The following PTGS1 variants were observed in gnomAD, a reference collection of about 807,000 sequenced individuals.
PTGS1 encodes prostaglandin G/H synthase 1.
In PTGS1, 40 loss-of-function variants were observed where a neutral mutation model predicts 63.0. The observed-to-expected ratio is 0.63, with a 90% CI of 0.49 to 0.83. PTGS1 has a LOEUF of 0.83. Among genes scored for constraint, PTGS1 ranks in the 40% least tolerant of loss-of-function variants. PTGS1 has a pLI of 0.00. For missense variants in PTGS1, 709 were observed against 786.5 expected (o/e 0.90, Z 1.18); for synonymous variants, 298 against 301.9 (o/e 0.99, Z 0.13).
chr9:122,371,644 A>G (rs1011226571), intron 2 of PTGS1: 8 of 1,434,410 alleles, frequency 5.6e-6, no homozygotes, highest in African/African-American at 2.9e-5. Flanking sequence ...GCAGGCACCA[A>G]GGGAAATGAG....
chr9:122,380,464 C>CAAAA lies in PTGS1; in HGVS notation c.497-905_497-902dup, dbSNP rs1212366547. 9.9e-4 allele frequency among the ~76,000 whole-genome samples: 135 copies of CAAAA among 136,034 alleles called. 2 individuals carry two copies. Among genetic ancestry groups the CAAAA allele is most frequent in the African/African-American group, 3.8e-3 (130 of 34,260 alleles). 89.2% of individuals were successfully genotyped at this position (136,034 alleles called of 152,430 possible). Reference sequence around the variant, plus strand: ...TGGGCAATAGAGTGAGACCCTGTCTCAAAAATAAATAAATAAATAAATAAA... The same window carrying CAAAA: ...TGGGCAATAGAGTGAGACCCTGTCTCAAAAAAAAATAAATAAATAAATAAATAAA... On this transcript the variant is annotated intron_variant, in intron 5 of 10. Coordinates refer to ENST00000362012, the MANE Select transcript of PTGS1 (RefSeq NM_000962.4).
intron 7 of PTGS1, 97 bp downstream of exon 7, chr9:122,381,844 AG>A: frequency 7.8e-7 from 1 of 1,284,356 alleles, no homozygotes; most frequent in Non-Finnish European, 1.1e-6. Flanking sequence ...ATGTCCTGAG[AG>A]GGCCAACCAC....
intron 9 of PTGS1, among the ~76,000 whole-genome samples, chr9:122,387,849 G>T (rs1837969652): frequency 1.3e-5 from 2 of 152,200 alleles, no homozygotes; most frequent in Non-Finnish European, 2.9e-5. Context: ...CTTCATCGCA[G>T]TCTCTGGCTC....
In PTGS1 at chr9:122,393,682, A is replaced by G. The variant is rs200283216; in HGVS notation, c.*1138A>G. ...AATTCTCATTTGTTCTCACACCAAC[A>G]GTGTGAAGTGCGTGGTATAATCTCC... is the stretch of plus-strand genomic sequence containing the variant. On this transcript the variant is annotated 3_prime_UTR_variant, in exon 11 of 11. Transcript: ENST00000362012. The G allele has an allele frequency of 3.9e-5, 6 of 152,394 alleles. No homozygotes were observed. Among genetic ancestry groups the G allele is most frequent in the Non-Finnish European group, 8.8e-5 (6 of 68,066 alleles). The allele number at this position is 152,394 out of a possible 1,614,324, so 9.4% of individuals were successfully genotyped here. A position where few individuals can be genotyped will look rare whatever the true frequency, so the allele number is the denominator to read the frequency against.
intron 8 of PTGS1, among the ~76,000 whole-genome samples, chr9:122,384,648 A>G (rs1837762985): frequency 6.6e-6 from 1 of 152,140 alleles, no homozygotes; most frequent in South Asian, 2.1e-4. Flanking sequence ...ATCAAGATTC[A>G]GAGAGGTGAA....
chr9:122,390,295 A>C lies in PTGS1; in HGVS notation c.1394A>C (p.Tyr465Ser). 1 of 1,614,138 alleles carries C rather than the reference A, an allele frequency of 6.2e-7. No homozygotes were observed. The highest frequency in any genetic ancestry group is 8.5e-7 in the Non-Finnish European group (1 of 1,180,026). ...ATGCGGCTGCAGCCCTTCAATGAGT[A>C]CCGCAAGAGGTTTGGCATGAAACCC... Reference protein sequence around the residue: ...REMRLQPFNEYRKRFGMKPYT... With the variant: ...REMRLQPFNESRKRFGMKPYT... The change falls in exon 10 of 11, where the codon TAC (tyrosine) becomes TCC (serine). Residue 465 changes from tyrosine to serine, a missense_variant. By Grantham distance (144) the Tyr-to-Ser change is moderately radical. Coordinates refer to ENST00000362012, the MANE Select transcript of PTGS1 (RefSeq NM_000962.4).
chr9:122,391,339 T>C (rs1278750364), intron 10 of PTGS1, among the ~76,000 whole-genome samples: 2 of 122,352 alleles, frequency 1.6e-5, no homozygotes, highest in Non-Finnish European at 3.1e-5. Context: ...TGTGTGTGTA[T>C]ATATATACTA....
At chr9:122,385,985 C>G (rs1837848509) in intron 8 of PTGS1, among the ~76,000 whole-genome samples, 1 of 152,046 alleles carries the variant, frequency 6.6e-6, no homozygotes, top group Non-Finnish European at 1.5e-5. Context: ...ATGGAAGAGG[C>G]CAAACAAAAT....
intron 1 of PTGS1, 30 bp downstream of exon 1, chr9:122,371,121 A>G (rs199515185): frequency 8.1e-6 from 13 of 1,605,320 alleles, no homozygotes; most frequent in Non-Finnish European, 1.0e-5. Context: ...CCGGTGGGGA[A>G]TTTTCTTGGC....
In PTGS1 at chr9:122,375,368, C is replaced by T. The variant is rs796232234; in HGVS notation, c.95-2531C>T. ...CCGAGGCAGAGCTCTAGGGCCATGG[C>T]GGGAGGCCTTCCGGCTCCACCTCAG... On this transcript the variant is annotated intron_variant, in intron 2 of 10. Coordinates refer to ENST00000362012, the MANE Select transcript of PTGS1 (RefSeq NM_000962.4). 2.0e-5 allele frequency: 20 copies of T among 985,342 alleles called. No homozygotes were observed. In the African/African-American group the frequency reaches 3.1e-4, roughly 16 times the overall value. 61.0% of individuals were successfully genotyped at this position (985,342 alleles called of 1,614,324 possible).
chr9:122,383,108 A>C (rs1837623480), intron 7 of PTGS1, among the ~76,000 whole-genome samples: 1 of 151,572 alleles, frequency 6.6e-6, no homozygotes, highest in South Asian at 2.1e-4. Flanking sequence ...GTGTTAAGGA[A>C]TTCTACTTTC....
At position 122,375,369 on chromosome 9, in the gene PTGS1, G is replaced by A. The variant is rs79440518; in HGVS notation, c.95-2530G>A. On this transcript the variant is annotated intron_variant, in intron 2 of 10. Transcript: ENST00000362012. ...CGAGGCAGAGCTCTAGGGCCATGGC[G>A]GGAGGCCTTCCGGCTCCACCTCAGA... The A allele has an allele frequency of 2.5e-3, 2,502 of 985,524 alleles. 37 individuals carry two copies. In the African/African-American group the frequency reaches 0.03, roughly 12 times the overall value. The allele number at this position is 985,524 out of a possible 1,614,324, so 61.0% of individuals were successfully genotyped here.
In PTGS1 at chr9:122,381,334, T is replaced by G. The variant is rs760355810; in HGVS notation, c.497-37T>G. 2.5e-6 allele frequency: 4 copies of G among 1,601,842 alleles called. No homozygotes were observed. The Admixed American group carries it at 6.8e-5, about 27-fold the overall frequency. ...TGTCCCCAGGGCAGCAAGATCCAGA[T>G]AGGAGAAGCTACTGCTGTTTCCTAC... On this transcript the variant is annotated intron_variant, in intron 5 of 10. Coordinates refer to ENST00000362012, the MANE Select transcript of PTGS1 (RefSeq NM_000962.4).
rs984267788 is a variant in PTGS1, at chr9:122,394,740, G to A, written c.*2196G>A. On this transcript the variant is annotated 3_prime_UTR_variant, in exon 11 of 11. Transcript: ENST00000362012. ...CGTGGAGACTGAGATCACTGACTCT[G>A]ACTCATCCCCACAGCTGGCTCTGAC... The A allele has an allele frequency of 6.6e-6, 1 of 152,130 alleles. No homozygotes were observed. The highest frequency in any genetic ancestry group is 2.4e-5 in the African/African-American group (1 of 41,388). The allele number at this position is 152,130 out of a possible 1,614,324, so 9.4% of individuals were successfully genotyped here. A position where few individuals can be genotyped will look rare whatever the true frequency, so the allele number is the denominator to read the frequency against.
At chr9:122,380,482 T>TA (rs1837445306) in intron 5 of PTGS1, among the ~76,000 whole-genome samples, 1 of 144,812 alleles carries the variant, frequency 6.9e-6, no homozygotes, top group African/African-American at 2.6e-5. Flanking sequence ...AATAAATAAA[T>TA]AAATAAATAA....
At chr9:122,381,884 C>G in intron 7 of PTGS1, 137 bp downstream of exon 7, 1 of 885,752 alleles carries the variant, frequency 1.1e-6, no homozygotes, top group Non-Finnish European at 1.8e-6. Flanking sequence ...CCAGGAGCGA[C>G]AGTATACGCT....
intron 2 of PTGS1, 128 bp from the exon 3 acceptor site, chr9:122,377,771 A>G: frequency 1.3e-6 from 1 of 775,250 alleles, no homozygotes; most frequent in Non-Finnish European, 2.2e-6. Flanking sequence ...AAGCCCTGGC[A>G]CCCAGTGATT....
intron 2 of PTGS1, chr9:122,375,480 C>T (rs911114934): frequency 3.0e-6 from 3 of 985,352 alleles, no homozygotes; most frequent in Admixed American, 1.2e-4. Flanking sequence ...ATTTATTCCA[C>T]AAACATTCGT....
intron 2 of PTGS1, among the ~76,000 whole-genome samples, chr9:122,374,421 C>T (rs1836991639): frequency 6.6e-6 from 1 of 152,092 alleles, no homozygotes; most frequent in South Asian, 2.1e-4. Flanking sequence ...AGGGACTCAC[C>T]CAAGAATGCA....
Sources: allele counts gnomAD v4.1 joint callset (sites outside exome capture counted in the v4.1 genomes callset), GRCh38; gene constraint gnomAD v4.1.1; transcripts MANE v1.5; gene names NCBI Gene and HGNC (gene_info 2026-07-23, HGNC 2026-07-21).